Variants in DNER observed in about 807,000 individuals in gnomAD.
DNER encodes delta/notch like EGF repeat containing.
DNER carries 33 observed loss-of-function variants against 78.2 expected under a neutral mutation model. The ratio of observed to expected loss-of-function variants is 0.42; its 90% CI spans 0.32 to 0.56. The LOEUF is 0.56. Ranked by LOEUF, DNER falls within the 20% of genes least tolerant of loss-of-function variation. The pLI is 0.11. For missense variants in DNER, 918 were observed against 975.3 expected (o/e 0.94, Z 0.78); for synonymous variants, 417 against 384.8 (o/e 1.08, Z -0.98).
At chr2:229,477,083 ATTAGT>A in intron 7 of DNER, 52 bp downstream of exon 7, 1 of 1,376,488 alleles carries the variant, frequency 7.3e-7, no homozygotes, top group Admixed American at 1.8e-5. Flanking sequence ...GGCTGATCAA[ATTAGT>A]TTATGATTTA....
chr2:229,509,362 G>A (rs1052107906), intron 6 of DNER, among the ~76,000 whole-genome samples: 1 of 152,164 alleles, frequency 6.6e-6, no homozygotes, highest in Non-Finnish European at 1.5e-5. Flanking sequence ...ATCAATAGAG[G>A]AATAGCTTAA....
In DNER at chr2:229,407,323, C is replaced by A. The variant is rs1476389376; in HGVS notation, c.1632G>T (p.Lys544Asn). 6.2e-7 allele frequency: 1 copy of A among 1,613,628 alleles called. No individual in the cohort carries two copies. The highest frequency in any genetic ancestry group is 1.7e-5 in the Admixed American group (1 of 59,994). ...GACAGCTGACGTTAGCGCAGGGATC[C>A]TTGTACAATTCACAGTGTGTTCCTG... ...EYKGTHCELY[K>N]DPCANVSCLN... Residue 544 changes from lysine (K) to asparagine (N), a missense_variant, in exon 10 of 13, where the codon AAG becomes AAT. Transcript: ENST00000341772.
At chr2:229,452,677 G>T (rs1429543055) in intron 7 of DNER, among the ~76,000 whole-genome samples, 4 of 152,228 alleles carry the variant, frequency 2.6e-5, no homozygotes, top group African/African-American at 9.6e-5. Context: ...AGCCCAGGCT[G>T]AAGTGCAGTG....
rs568784355 is a variant in DNER, at chr2:229,693,807, T to A, written c.276+20341A>T. On this transcript the variant is annotated intron_variant, in intron 1 of 12. Coordinates refer to ENST00000341772, the MANE Select transcript of DNER (RefSeq NM_139072.4). ...GTTTACAAAATTTGCAGCCTGATGA[T>A]GCAATAGAAAAGAAAAACCCATTTT... is the stretch of plus-strand genomic sequence containing the variant. Among the ~76,000 whole-genome samples the A allele has an allele frequency of 3.3e-5, 5 of 152,292 alleles. No homozygotes were observed. In the South Asian group the frequency reaches 8.3e-4, roughly 25 times the overall value.
chr2:229,530,818 G>A (rs888051377), intron 5 of DNER, among the ~76,000 whole-genome samples: 3 of 152,206 alleles, frequency 2.0e-5, no homozygotes, highest in African/African-American at 7.2e-5. Flanking sequence ...CTCATTATGT[G>A]AAAGAAAATT....
At chr2:229,649,464 A>T (rs1698773890) in intron 1 of DNER, among the ~76,000 whole-genome samples, 1 of 152,186 alleles carries the variant, frequency 6.6e-6, no homozygotes, top group Non-Finnish European at 1.5e-5. Flanking sequence ...GGGGGAAAAA[A>T]ATCCTGATTT....
chr2:229,543,172 G>C (rs901076985), intron 5 of DNER, among the ~76,000 whole-genome samples: 2 of 152,012 alleles, frequency 1.3e-5, no homozygotes, highest in African/African-American at 2.4e-5. Flanking sequence ...AAAAGAAGAA[G>C]AAGAACAAGA....
At chr2:229,645,090 G>A (rs967003605) in intron 1 of DNER, among the ~76,000 whole-genome samples, 1 of 152,098 alleles carries the variant, frequency 6.6e-6, no homozygotes, top group Non-Finnish European at 1.5e-5. Flanking sequence ...TCAATCTCCT[G>A]GGCCCAAGCA....
At chr2:229,560,793 C>G (rs1389446740) in intron 4 of DNER, among the ~76,000 whole-genome samples, 1 of 152,176 alleles carries the variant, frequency 6.6e-6, no homozygotes, top group Non-Finnish European at 1.5e-5. Flanking sequence ...ACGAGGCTTA[C>G]TAACATACCT....
intron 1 of DNER, among the ~76,000 whole-genome samples, chr2:229,633,393 T>C (rs372484916): frequency 1.3e-5 from 2 of 152,362 alleles, no homozygotes; most frequent in East Asian, 3.9e-4. Context: ...ACAAAAATTA[T>C]TGGAGTTATA....
rs139114799 is a variant in DNER at position 229,588,433 on chromosome 2, C to G, written c.641G>C (p.Arg214Pro). 1 of 1,578,434 alleles carries G rather than the reference C, an allele frequency of 6.3e-7. No individual in the cohort carries two copies. Among genetic ancestry groups the G allele is most frequent in the Non-Finnish European group, 8.6e-7 (1 of 1,159,772 alleles). ...NASSNSSAGG[R>P]LVSFEVPQNT... ...CTGTGGCACTTCAAAGGATACCAGG[C>G]GGCCACCCGCAGAGCTGTTAGAACT... Residue 214 changes from arginine (R) to proline (P), a missense_variant, in exon 3 of 13, where the codon CGC (arginine) becomes CCC (proline). Coordinates refer to ENST00000341772, the MANE Select transcript of DNER (RefSeq NM_139072.4).
At chr2:229,475,119 T>G (rs1456725666) in intron 7 of DNER, among the ~76,000 whole-genome samples, 1 of 152,226 alleles carries the variant, frequency 6.6e-6, no homozygotes, top group Non-Finnish European at 1.5e-5. Context: ...CTGTCTCAAC[T>G]CATTTAATCC....
intron 5 of DNER, among the ~76,000 whole-genome samples, chr2:229,528,914 C>T (rs1405058090): frequency 2.0e-5 from 3 of 152,176 alleles, no homozygotes; most frequent in Admixed American, 2.0e-4. Context: ...TGTCCCGGGG[C>T]TGTGGCAGGT....
At chr2:229,455,679 G>A (rs1421745517) in intron 7 of DNER, among the ~76,000 whole-genome samples, 2 of 152,084 alleles carry the variant, frequency 1.3e-5, no homozygotes, top group South Asian at 2.1e-4. Flanking sequence ...GGCAAGAGGT[G>A]GGAGGTAGGA....
chr2:229,714,194 C>A lies in DNER; in HGVS notation c.230G>T (p.Gly77Val). 2 of 1,373,102 alleles carry A rather than the reference C, an allele frequency of 1.5e-6. No individual in the cohort carries two copies. The highest frequency in any genetic ancestry group is 1.7e-5 in the South Asian group (1 of 59,018). 85.1% of individuals were successfully genotyped at this position (1,373,102 alleles called of 1,614,324 possible). A position where few individuals can be genotyped will look rare whatever the true frequency, so the allele number is the denominator to read the frequency against. ...PQHPAPAGEPGYSCTCPAGIS... is the reference protein window; with the variant it reads ...PQHPAPAGEPVYSCTCPAGIS... ...CCCGGCGGGGCAGGTGCAGCTGTAG[C>A]CAGGCTCGCCGGCGGGGGCCGGGTG... The change falls in exon 1 of 13, where the codon GGC becomes GTC. Residue 77 changes from glycine (G) to valine (V), a missense_variant. By Grantham distance (109) the Gly-to-Val change is moderately radical. Coordinates refer to ENST00000341772, the MANE Select transcript of DNER (RefSeq NM_139072.4).
chr2:229,462,257 G>C (rs1470860980), intron 7 of DNER, among the ~76,000 whole-genome samples: 1 of 152,070 alleles, frequency 6.6e-6, no homozygotes, highest in Non-Finnish European at 1.5e-5. Flanking sequence ...GTCACTCTAT[G>C]TATTGTCAGA....
At chr2:229,582,801 G>A (rs992076703) in intron 4 of DNER, among the ~76,000 whole-genome samples, 1 of 151,900 alleles carries the variant, frequency 6.6e-6, no homozygotes, top group South Asian at 2.1e-4. Flanking sequence ...CACCACGCCC[G>A]GCTAATTTCT....
intron 1 of DNER, among the ~76,000 whole-genome samples, chr2:229,705,126 C>T (rs184432940): frequency 6.6e-6 from 1 of 152,282 alleles, no homozygotes; most frequent in Admixed American, 6.5e-5. Context: ...ACAGACTCTT[C>T]GCTTCAGTCG....
intron 11 of DNER, among the ~76,000 whole-genome samples, chr2:229,383,562 G>A (rs1487536665): frequency 6.6e-6 from 1 of 151,992 alleles, no homozygotes; most frequent in Non-Finnish European, 1.5e-5. Context: ...AGGGATGGAG[G>A]AATATTTACC....
Sources: allele counts gnomAD v4.1 joint callset (sites outside exome capture counted in the v4.1 genomes callset), GRCh38; gene constraint gnomAD v4.1.1; transcripts MANE v1.5; gene names NCBI Gene and HGNC (gene_info 2026-07-23, HGNC 2026-07-21).